ANO10: variants seen among roughly 807,000 people sequenced by gnomAD.
ANO10 encodes anoctamin-10.
In ANO10, 77 loss-of-function variants were observed where a neutral mutation model predicts 74.7. The observed-to-expected ratio is 1.03, with a 90% confidence interval of 0.86 to 1.25. ANO10 has a LOEUF of 1.25. Among genes scored for constraint, ANO10 ranks in the 50% most tolerant of loss-of-function variants. ANO10 has a pLI of 0.00. For synonymous variants in ANO10, 279 were observed against 284.9 expected, an observed-to-expected ratio of 0.98 and a Z score of 0.21; for missense variants, 721 against 778.1, an observed-to-expected ratio of 0.93 and a Z score of 0.87.
intron 11 of ANO10, chr3:43,485,179 C>T (rs1018443295): frequency 1.3e-5 from 9 of 713,214 alleles, no homozygotes; most frequent in Non-Finnish European, 1.8e-5. Context: ...TGGGTGACAG[C>T]GCCTGCGGTG....
At chr3:43,673,809 T>A (rs934719350) in intron 1 of ANO10, among the ~76,000 whole-genome samples, 1 of 152,136 alleles carries the variant, frequency 6.6e-6, no homozygotes, top group South Asian at 2.1e-4. Context: ...TTTCTGGGGC[T>A]GGGGAACATG....
At chr3:43,621,143 A>C (rs1231347720) in intron 1 of ANO10, among the ~76,000 whole-genome samples, 1 of 152,136 alleles carries the variant, frequency 6.6e-6, no homozygotes, top group Non-Finnish European at 1.5e-5. Context: ...TGCACTTTTT[A>C]AGTCTGGGAT....
chr3:43,452,505 C>T (rs1264449179), intron 11 of ANO10, among the ~76,000 whole-genome samples: 1 of 152,166 alleles, frequency 6.6e-6, no homozygotes, highest in Non-Finnish European at 1.5e-5. Flanking sequence ...GCATGTATTA[C>T]TAGTTCATTT....
At chr3:43,488,155 T>C (rs1345280230) in intron 11 of ANO10, among the ~76,000 whole-genome samples, 3 of 150,678 alleles carry the variant, frequency 2.0e-5, no homozygotes, top group Non-Finnish European at 4.5e-5. Context: ...TTACACCTTA[T>C]ACAAAAATCA....
chr3:43,557,666 C>T (rs866884046), intron 9 of ANO10, among the ~76,000 whole-genome samples: 1 of 137,786 alleles, frequency 7.3e-6, no homozygotes, highest in South Asian at 2.4e-4. Flanking sequence ...ACCTGGGAGG[C>T]GGAGCTTGCA....
intron 11 of ANO10, among the ~76,000 whole-genome samples, chr3:43,463,885 C>T (rs1361948628): frequency 6.6e-6 from 1 of 152,082 alleles, no homozygotes; most frequent in Non-Finnish European, 1.5e-5. Context: ...TCTTGAATTC[C>T]CATGTGTTGT....
intron 11 of ANO10, among the ~76,000 whole-genome samples, chr3:43,542,106 G>T (rs943159440): frequency 6.6e-6 from 1 of 152,192 alleles, no homozygotes; most frequent in Non-Finnish European, 1.5e-5. Flanking sequence ...TGCTGTAAAA[G>T]TTTAGGTGAG....
At chr3:43,619,778 G>A (rs2149543170) in intron 1 of ANO10, among the ~76,000 whole-genome samples, 1 of 151,002 alleles carries the variant, frequency 6.6e-6, no homozygotes. Flanking sequence ...GAGATGGGAG[G>A]ATCACCTGAC....
At chr3:43,574,772 T>C in intron 7 of ANO10, 37 bp downstream of exon 7, 2 of 1,533,180 alleles carry the variant, frequency 1.3e-6, no homozygotes, top group Non-Finnish European at 1.8e-6. Flanking sequence ...ATATACCAGT[T>C]TCATAAAATG....
chr3:43,433,917 T>C (rs115336967), intron 11 of ANO10, among the ~76,000 whole-genome samples: 4,716 of 152,144 alleles, frequency 0.031, 139 homozygotes, highest in Middle Eastern at 0.048. Flanking sequence ...AGAAAATCAA[T>C]GAGAGAGATG....
chr3:43,455,611 C>T (rs2075089995), intron 11 of ANO10, among the ~76,000 whole-genome samples: 1 of 152,072 alleles, frequency 6.6e-6, no homozygotes, highest in Non-Finnish European at 1.5e-5. Flanking sequence ...CAGATCCTTT[C>T]TGGGGCCAGC....
intron 1 of ANO10, among the ~76,000 whole-genome samples, chr3:43,627,554 A>G (rs970920948): frequency 6.6e-6 from 1 of 152,242 alleles, no homozygotes; most frequent in African/African-American, 2.4e-5. Flanking sequence ...TGTGACAAAG[A>G]AGCCACAACC....
chr3:43,635,866 C>T (rs1300437832), intron 1 of ANO10, among the ~76,000 whole-genome samples: 5 of 152,096 alleles, frequency 3.3e-5, no homozygotes, highest in South Asian at 4.1e-4. Context: ...ATGATCCACC[C>T]GCCTAGGCCT....
At chr3:43,493,480 A>T (rs2076805093) in intron 11 of ANO10, among the ~76,000 whole-genome samples, 1 of 152,248 alleles carries the variant, frequency 6.6e-6, no homozygotes, top group Non-Finnish European at 1.5e-5. Flanking sequence ...CAGACAATTT[A>T]TTTAATATGC....
chr3:43,399,737 A>C (rs1173149002), intron 12 of ANO10, among the ~76,000 whole-genome samples: 1 of 152,190 alleles, frequency 6.6e-6, no homozygotes, highest in African/African-American at 2.4e-5. Flanking sequence ...AATTATCTGC[A>C]GGCCTCATGA....
intron 11 of ANO10, among the ~76,000 whole-genome samples, chr3:43,529,539 AC>A (rs2078363749): frequency 1.3e-5 from 2 of 152,196 alleles, no homozygotes; most frequent in African/African-American, 4.8e-5. Flanking sequence ...GAAAAGGAAA[AC>A]TTTGGCAAGA....
rs1469712122 is a variant in ANO10, at chr3:43,569,097, A to G, written c.1219-3370T>C. On this transcript the variant is annotated intron_variant, in intron 7 of 12. Transcript: ENST00000292246. ...ACTAGAAAATCTAGAAGAAATGGAT[A>G]AATTCCTCGACACATACACTCTCCC... Among the ~76,000 whole-genome samples the G allele has an allele frequency of 2.0e-4, 29 of 146,806 alleles. No homozygotes were observed. In the East Asian group the frequency reaches 5.7e-3, roughly 29 times the overall value.
intron 11 of ANO10, among the ~76,000 whole-genome samples, chr3:43,489,064 A>C (rs944721618): frequency 1.3e-5 from 2 of 151,416 alleles, no homozygotes; most frequent in Admixed American, 6.6e-5. Context: ...GTAAACTATC[A>C]CAAGAACAAA....
rs149459900 is a variant in ANO10 at position 43,611,292 on chromosome 3, G to C, written c.-11-5429C>G. On this transcript the variant is annotated intron_variant, in intron 1 of 12. Transcript: ENST00000292246. The stretch of plus-strand genomic sequence containing the variant: ...AAGTATGGCTTCCTAAATCAGAAGG[G>C]AGTTGAGCCACCTACCAATCCAGAA... 7.6e-4 allele frequency among the ~76,000 whole-genome samples: 115 copies of C among 152,278 alleles called. 1 individual carries two copies. The highest frequency in any genetic ancestry group is 2.7e-3 in the African/African-American group (111 of 41,558).
Sources: gnomAD v4.1 joint callset for allele counts (sites outside exome capture counted in the v4.1 genomes callset) on GRCh38, gnomAD v4.1.1 for gene constraint, MANE v1.5 for transcripts, NCBI Gene and HGNC (gene_info 2026-07-23, HGNC 2026-07-21) for gene names.